The following STK3 variants were observed in gnomAD, a reference collection of about 807,000 sequenced individuals.
The protein encoded by STK3 is serine/threonine kinase 3.
In STK3, 41 loss-of-function variants were observed where a neutral mutation model predicts 58.0. That is an observed-to-expected ratio of 0.71 (90% CI 0.55 to 0.92). STK3 has a LOEUF of 0.92. Ranked by LOEUF, STK3 falls within the 40% of genes least tolerant of loss-of-function variation. The pLI, the probability that STK3 is intolerant of heterozygous loss-of-function variation, is 0.00. For synonymous variants in STK3, 170 were observed against 191.0 expected (o/e 0.89, Z 0.91); for missense variants, 479 against 602.7 (o/e 0.79, Z 2.15).
In STK3 at chr8:98,652,379, G is replaced by A. The variant is rs74706863; in HGVS notation, c.684+54088C>T. Among the ~76,000 whole-genome samples, 6 of 152,308 alleles carry A rather than the reference G, an allele frequency of 3.9e-5. No individual in the cohort carries two copies. The East Asian group carries it at 5.8e-4, about 15-fold the overall frequency. On this transcript the variant is annotated intron_variant, in intron 6 of 10. Coordinates refer to ENST00000419617, the MANE Select transcript of STK3 (RefSeq NM_006281.4). ...CCGGTACCAGCCACTACAAAATCAT[G>A]CCGAATTGTAAAGACCACCAATGCT...
intron 7 of STK3, among the ~76,000 whole-genome samples, chr8:98,585,181 C>T (rs1166358941): frequency 1.3e-5 from 2 of 151,904 alleles, no homozygotes; most frequent in Non-Finnish European, 2.9e-5. Flanking sequence ...ATGCCTATGT[C>T]CTGAATGGTA....
chr8:98,373,025 T>C (rs1342141401), intron 2 of STK3, among the ~76,000 whole-genome samples: 1 of 152,186 alleles, frequency 6.6e-6, no homozygotes, highest in Non-Finnish European at 1.5e-5. Context: ...AAATGGAATT[T>C]CACCATGAAT....
At chr8:98,531,352 C>T (rs1019870200) in intron 9 of STK3, among the ~76,000 whole-genome samples, 21 of 152,188 alleles carry the variant, frequency 1.4e-4, no homozygotes, top group Admixed American at 6.5e-5. Context: ...TTCCATCAGA[C>T]CCCTTGGGTG....
chr8:98,858,818 G>A (rs1028988642), intron 3 of STK3, among the ~76,000 whole-genome samples: 3 of 151,260 alleles, frequency 2.0e-5, no homozygotes, highest in Admixed American at 1.3e-4. Flanking sequence ...CTTGAACCCA[G>A]GAAGCGGAGG....
In STK3 at chr8:98,512,256, T is replaced by G. The variant is rs564834763; in HGVS notation, c.1317+14486A>C. ...AACAACCTTTAGCTTGTAATCTAGA[T>G]GTAATTTGTTTTTAACTTTCAGAAC... On this transcript the variant is annotated intron_variant, in intron 10 of 10. Coordinates refer to ENST00000419617, the MANE Select transcript of STK3 (RefSeq NM_006281.4). Among the ~76,000 whole-genome samples the G allele has an allele frequency of 4.2e-4, 64 of 152,224 alleles. 1 individual carries two copies. The highest frequency in any genetic ancestry group is 1.5e-3 in the African/African-American group (64 of 41,548).
chr8:98,798,051 A>G (rs1447688275), intron 1 of STK3, among the ~76,000 whole-genome samples: 1 of 152,242 alleles, frequency 6.6e-6, no homozygotes, highest in Non-Finnish European at 1.5e-5. Flanking sequence ...TTAGAAATCA[A>G]AGAGACTTCA....
intron 6 of STK3, among the ~76,000 whole-genome samples, chr8:98,653,333 G>C (rs1212595095): frequency 1.3e-5 from 2 of 152,202 alleles, no homozygotes; most frequent in East Asian, 3.8e-4. Context: ...ATTCAAAGCA[G>C]TGTGTAGAGG....
intron 1 of STK3, among the ~76,000 whole-genome samples, chr8:98,939,324 G>A (rs866580767): frequency 6.6e-5 from 10 of 152,160 alleles, no homozygotes; most frequent in Admixed American, 2.6e-4. Context: ...ACTTTACCAT[G>A]CATCAGAATC....
chr8:98,614,910 G>A (rs899632763), intron 6 of STK3, among the ~76,000 whole-genome samples: 3 of 152,186 alleles, frequency 2.0e-5, no homozygotes, highest in African/African-American at 7.2e-5. Context: ...GCCCGGGCTT[G>A]CTTAGGTAAA....
intron 4 of STK3, among the ~76,000 whole-genome samples, chr8:98,719,524 G>A (rs1827250791): frequency 6.6e-6 from 1 of 152,170 alleles, no homozygotes; most frequent in African/African-American, 2.4e-5. Flanking sequence ...CAAATCCACA[G>A]CAAGTCTAAA....
intron 9 of STK3, among the ~76,000 whole-genome samples, chr8:98,535,900 G>C (rs190339777): frequency 2.6e-5 from 4 of 152,184 alleles, no homozygotes; most frequent in African/African-American, 9.6e-5. Context: ...TAGAAATGAG[G>C]AGAGTAAGAA....
intron 1 of STK3, among the ~76,000 whole-genome samples, chr8:98,891,231 C>T (rs1382235215): frequency 6.6e-6 from 1 of 152,146 alleles, no homozygotes; most frequent in Non-Finnish European, 1.5e-5. Flanking sequence ...TGCTGGCAGC[C>T]CCGGGAGAAA....
chr8:98,519,909 A>AAT (rs1409660508), intron 10 of STK3, among the ~76,000 whole-genome samples: 1 of 152,130 alleles, frequency 6.6e-6, no homozygotes, highest in African/African-American at 2.4e-5. Flanking sequence ...TTATACTAGT[A>AAT]ATTACTGTCA....
chr8:98,872,719 T>C (rs1837422664), intron 3 of STK3, among the ~76,000 whole-genome samples: 1 of 152,218 alleles, frequency 6.6e-6, no homozygotes, highest in Admixed American at 6.5e-5. Flanking sequence ...GTCTATCTGA[T>C]TCTTCTCTCT....
At chr8:98,353,155 C>T in the STK3 span, among the ~76,000 whole-genome samples, 11 of 152,054 alleles carry the variant, frequency 7.2e-5, no homozygotes, top group East Asian at 3.8e-4. Flanking sequence ...TATAAAATTA[C>T]GTTCAGATTA....
chr8:98,521,219 A>G (rs1476629838), intron 10 of STK3, among the ~76,000 whole-genome samples: 4 of 152,146 alleles, frequency 2.6e-5, no homozygotes, highest in Non-Finnish European at 5.9e-5. Flanking sequence ...TATCTGCCCT[A>G]TATAAGTCAA....
intron 1 of STK3, among the ~76,000 whole-genome samples, chr8:98,795,600 C>T (rs1033220115): frequency 1.4e-4 from 21 of 152,064 alleles, no homozygotes; most frequent in Admixed American, 5.2e-4. Flanking sequence ...AGAAGGCAAA[C>T]AATATCTCTT....
chr8:98,477,291 A>G (rs2131257554), intron 10 of STK3, among the ~76,000 whole-genome samples: 1 of 152,208 alleles, frequency 6.6e-6, no homozygotes, highest in East Asian at 1.9e-4. Context: ...GCCATGTAAA[A>G]TTCATAAGAA....
intron 1 of STK3, among the ~76,000 whole-genome samples, chr8:98,935,337 G>A (rs1587870426): frequency 1.3e-5 from 2 of 152,202 alleles, no homozygotes; most frequent in Non-Finnish European, 2.9e-5. Context: ...ATGCTGGCTT[G>A]TCTATATTTA....
Sources: gnomAD v4.1 joint callset for allele counts (sites outside exome capture counted in the v4.1 genomes callset) on GRCh38, gnomAD v4.1.1 for gene constraint, MANE v1.5 for transcripts, NCBI Gene and HGNC (gene_info 2026-07-23, HGNC 2026-07-21) for gene names.